Variants in CEP83 observed in about 807,000 individuals in gnomAD.
CEP83 encodes the protein centrosomal protein of 83 kDa.
In CEP83, 70 loss-of-function variants were observed where a neutral mutation model predicts 101.9. That is an observed-to-expected ratio of 0.69 (90% CI 0.57 to 0.84). The LOEUF is 0.84. Among genes scored for constraint, CEP83 ranks in the 40% least tolerant of loss-of-function variants. The probability of loss-of-function intolerance (pLI) is 0.00; values close to 1 mark genes in which losing one functional copy is unlikely to be tolerated. For missense variants in CEP83, 715 were observed against 787.2 expected (o/e 0.91, Z 1.10); for synonymous variants, 264 against 267.9 (o/e 0.99, Z 0.14).
At chr12:94,438,378 C>T (rs2066154384) in intron 1 of CEP83, among the ~76,000 whole-genome samples, 2 of 152,146 alleles carry the variant, frequency 1.3e-5, no homozygotes, top group East Asian at 1.9e-4. Context: ...GGAAACCAAA[C>T]GTGAGCAGGA....
At chr12:94,327,196 A>G (rs1296218592) in intron 14 of CEP83, among the ~76,000 whole-genome samples, 3 of 152,242 alleles carry the variant, frequency 2.0e-5, no homozygotes, top group East Asian at 1.9e-4. Context: ...ACAATATGAC[A>G]CAAAGGACTA....
At chr12:94,296,750 T>A in the CEP83 span, among the ~76,000 whole-genome samples, 1 of 152,246 alleles carries the variant, frequency 6.6e-6, no homozygotes, top group Admixed American at 6.5e-5. Flanking sequence ...AGCATATAAT[T>A]CTCCTTCATA....
intron 14 of CEP83, among the ~76,000 whole-genome samples, chr12:94,316,239 G>A (rs1254068968): frequency 6.6e-6 from 1 of 151,930 alleles, no homozygotes; most frequent in Non-Finnish European, 1.5e-5. Context: ...GGTATTTTAG[G>A]TATTTTTATG....
At chr12:94,305,137 G>T (rs370268762), downstream of CEP83, 3 of 1,320,530 alleles carry the variant, frequency 2.3e-6, no homozygotes, top group African/African-American at 4.4e-5. Flanking sequence ...GAATTGTAAC[G>T]CTAAAACCAC....
intron 15 of CEP83, among the ~76,000 whole-genome samples, chr12:94,311,499 C>G (rs1415184860): frequency 1.3e-5 from 2 of 152,148 alleles, no homozygotes; most frequent in Non-Finnish European, 2.9e-5. Context: ...ACTGAGCCCT[C>G]TACCTGTGGG....
intron 11 of CEP83, among the ~76,000 whole-genome samples, chr12:94,346,157 C>T (rs1284690069): frequency 6.6e-6 from 1 of 152,102 alleles, no homozygotes; most frequent in African/African-American, 2.4e-5. Context: ...TCAAGCAAGT[C>T]TCCTGCCTCA....
chr12:94,278,114 T>G, the CEP83 span: 3 of 450,298 alleles, frequency 6.7e-6, no homozygotes, highest in South Asian at 3.1e-5. Flanking sequence ...CTCCCTTCCT[T>G]CTTGCCTGTT....
chr12:94,422,861 G>A (rs557380728), intron 2 of CEP83, among the ~76,000 whole-genome samples: 2 of 152,256 alleles, frequency 1.3e-5, no homozygotes, highest in Admixed American at 1.3e-4. Context: ...TCCTGCTGAT[G>A]CGCATTTGGT....
At chr12:94,389,643 G>A (rs1019332636) in intron 6 of CEP83, among the ~76,000 whole-genome samples, 6 of 152,188 alleles carry the variant, frequency 3.9e-5, no homozygotes, top group African/African-American at 1.4e-4. Context: ...AGCCCACAGA[G>A]GGTGAGCTGA....
chr12:94,395,973 G>C (rs1283650412), intron 6 of CEP83, among the ~76,000 whole-genome samples: 1 of 152,130 alleles, frequency 6.6e-6, no homozygotes, highest in Non-Finnish European at 1.5e-5. Flanking sequence ...TCAGTGACCT[G>C]TCATTATGGA....
chr12:94,429,989 T>C (rs2065497156), intron 2 of CEP83, among the ~76,000 whole-genome samples: 1 of 152,178 alleles, frequency 6.6e-6, no homozygotes, highest in African/African-American at 2.4e-5. Flanking sequence ...AACATGAACA[T>C]TGTGCTGGGG....
intron 11 of CEP83, among the ~76,000 whole-genome samples, chr12:94,341,474 C>T (rs975833312): frequency 6.6e-6 from 1 of 151,652 alleles, no homozygotes; most frequent in Non-Finnish European, 1.5e-5. Context: ...TCAAAATAGA[C>T]CTGGTTGATG....
chr12:94,391,752 C>T (rs1418670215), intron 6 of CEP83, among the ~76,000 whole-genome samples: 1 of 151,454 alleles, frequency 6.6e-6, no homozygotes, highest in Admixed American at 6.6e-5. Flanking sequence ...TGCAAAGACG[C>T]ACATAGGCTC....
the CEP83 span, among the ~76,000 whole-genome samples, chr12:94,274,072 G>A: frequency 7.1e-6 from 1 of 140,768 alleles, no homozygotes; most frequent in Non-Finnish European, 1.5e-5. Context: ...TGTAATCCCA[G>A]CACTTTGGGA....
the CEP83 span, among the ~76,000 whole-genome samples, chr12:94,293,982 C>A: frequency 6.6e-6 from 1 of 152,110 alleles, no homozygotes; most frequent in Non-Finnish European, 1.5e-5. Flanking sequence ...ATGACTTAGT[C>A]ACCTCCCAAA....
chr12:94,449,779 T>TAAAAAAAAAAAAAAAA (rs71071787), intron 1 of CEP83, among the ~76,000 whole-genome samples: 2 of 48,580 alleles, frequency 4.1e-5, no homozygotes, highest in African/African-American at 1.1e-4. Flanking sequence ...TCTCAAACAA[T>TAAAAAAAAAAAAAAAA]AAAAAAAAAA....
chr12:94,336,722 T>G (rs2059464122), intron 11 of CEP83, among the ~76,000 whole-genome samples: 1 of 152,220 alleles, frequency 6.6e-6, no homozygotes, highest in Non-Finnish European at 1.5e-5. Context: ...CCACCGTCAG[T>G]ACCAGTCACA....
intron 1 of CEP83, among the ~76,000 whole-genome samples, chr12:94,446,078 T>TA (rs1447680744): frequency 6.6e-6 from 1 of 152,268 alleles, no homozygotes; most frequent in East Asian, 1.9e-4. Flanking sequence ...TGCATGATAG[T>TA]AAGAGGTGTC....
intron 1 of CEP83, among the ~76,000 whole-genome samples, chr12:94,455,730 T>A (rs891322078): frequency 7.2e-5 from 11 of 152,182 alleles, no homozygotes; most frequent in African/African-American, 1.9e-4. Flanking sequence ...ATTTCTTCCA[T>A]CCTGGATTAT....
Sources: allele counts gnomAD v4.1 joint callset (sites outside exome capture counted in the v4.1 genomes callset), GRCh38; gene constraint gnomAD v4.1.1; transcripts MANE v1.5; gene names NCBI Gene and HGNC (gene_info 2026-07-23, HGNC 2026-07-21).